The following TLE2 variants were observed in gnomAD, a reference collection of about 807,000 sequenced individuals.
TLE2 encodes the protein TLE family member 2, transcriptional corepressor.
Under a neutral mutation model 97.2 loss-of-function variants are expected in TLE2, and 74 were observed. The observed-to-expected ratio is 0.76, with a 90% CI of 0.63 to 0.92. TLE2 has a LOEUF of 0.92. TLE2 is among the 40% of genes least tolerant of loss of function. TLE2 has a pLI of 0.00. For missense variants in TLE2, 1,038 were observed against 1,008.7 expected, an observed-to-expected ratio of 1.03 and a Z score of -0.39; for synonymous variants, 499 against 432.1, an observed-to-expected ratio of 1.15 and a Z score of -1.92.
chr19:3,019,977 T>C lies in TLE2; in HGVS notation c.295-204A>G. ...CACGGAGAAAGAAACCAAACCTAAG[T>C]GCAGGTAGAATAGTTACAAATCAGG... On this transcript the variant is annotated intron_variant, in intron 5 of 19. Transcript: ENST00000262953. The surrounding 1 kb of genome is among the most constrained non-coding windows in gnomAD (Gnocchi z 5.1). The C allele has an allele frequency of 2.9e-6, 2 of 696,314 alleles. No individual in the cohort carries two copies. Among genetic ancestry groups the C allele is most frequent in the East Asian group, 2.8e-5 (1 of 35,916 alleles). The allele number at this position is 696,314 out of a possible 1,614,324, so 43.1% of individuals were successfully genotyped here.
chr19:3,017,448 C>CT (rs1568241994), intron 8 of TLE2, among the ~76,000 whole-genome samples: 3 of 116,266 alleles, frequency 2.6e-5, no homozygotes, highest in Middle Eastern at 4.3e-3. Context: ...TTTTTTCTTT[C>CT]TTTCTTTTTT....
upstream of TLE2, chr19:3,029,562 G>GA (rs941304896): frequency 2.4e-3 from 1,977 of 816,180 alleles, 75 homozygotes; most frequent in African/African-American, 7.8e-3. Context: ...TGGGAGCGGG[G>GA]GGGGGGGCTT....
intron 18 of TLE2, among the ~76,000 whole-genome samples, chr19:3,001,325 G>A (rs1458818551): frequency 6.6e-6 from 1 of 151,760 alleles, no homozygotes; most frequent in Non-Finnish European, 1.5e-5. Context: ...ATGCTGCCCA[G>A]ACTGGTCTCA....
intron 14 of TLE2, 101 bp downstream of exon 14, chr19:3,008,768 A>T: frequency 1.0e-6 from 1 of 955,146 alleles, no homozygotes; most frequent in Non-Finnish European, 1.5e-6. Flanking sequence ...GAGACTTTCT[A>T]GAAGGGAAGC....
chr19:3,019,495 G>A lies in TLE2; in HGVS notation c.370-32C>T, dbSNP rs756179765. ...GAAAGGAGGCAGGATGGGCCGGGGC[G>A]GGGGGCGGCAGGAGCCCAGCGGTCC... On this transcript the variant is annotated intron_variant, in intron 6 of 19. Coordinates refer to ENST00000262953, the MANE Select transcript of TLE2 (RefSeq NM_003260.5). The surrounding 1 kb of genome is among the most constrained non-coding windows in gnomAD (Gnocchi z 5.1). 2.6e-5 allele frequency: 38 copies of A among 1,488,574 alleles called. No individual in the cohort carries two copies. Among genetic ancestry groups the A allele is most frequent in the South Asian group, 7.9e-5 (6 of 75,672 alleles). 92.2% of individuals were successfully genotyped at this position (1,488,574 alleles called of 1,614,324 possible).
intron 17 of TLE2, among the ~76,000 whole-genome samples, chr19:3,004,612 C>T (rs2089434669): frequency 8.2e-6 from 1 of 122,478 alleles, no homozygotes; most frequent in Admixed American, 8.4e-5. Flanking sequence ...GCAACTCTGT[C>T]TCAAAAAAAA....
chr19:3,036,403 C>T (rs999004583), intron 1 of TLE2, among the ~76,000 whole-genome samples: 1 of 152,234 alleles, frequency 6.6e-6, no homozygotes, highest in Admixed American at 6.5e-5. Context: ...CCCGGCCCGG[C>T]GCGGTATAAT....
At chr19:3,002,565 G>A (rs981578013) in intron 17 of TLE2, 62 bp from the exon 18 acceptor site, 7 of 1,524,404 alleles carry the variant, frequency 4.6e-6, no homozygotes, top group African/African-American at 1.4e-5. Flanking sequence ...TTGAGACAGG[G>A]TCTCACTCCG....
At chr19:3,006,371 C>T in intron 15 of TLE2, 49 bp downstream of exon 15, 1 of 1,584,888 alleles carries the variant, frequency 6.3e-7, no homozygotes, top group Non-Finnish European at 8.6e-7. Context: ...GGAACATAAG[C>T]CCCACCCCTC....
intron 8 of TLE2, among the ~76,000 whole-genome samples, chr19:3,017,105 G>A (rs918032742): frequency 1.1e-4 from 16 of 139,996 alleles, no homozygotes; most frequent in East Asian, 5.9e-4. Context: ...TCAGGAAACC[G>A]GGCTATGGAT....
chr19:3,002,546 TGTTTTGTGTTGAGACA>T, intron 17 of TLE2, 43 bp from the exon 18 acceptor site: 1 of 1,536,440 alleles, frequency 6.5e-7, no homozygotes, highest in Non-Finnish European at 8.7e-7. Flanking sequence ...AGCCCCTCTT[TGTTTTGTGTTGAGACA>T]GGGTCTCACT....
At position 3,028,736 on chromosome 19, in the gene TLE2, T is replaced by C. The variant is rs763327898; in HGVS notation, c.92A>G (p.Glu31Gly). ...ILEICDRIKEEFQFLQAQYHS... is the reference protein window; with the variant it reads ...ILEICDRIKEGFQFLQAQYHS... Reference sequence around the variant, plus strand: ...GTATTGAGCCTGAAGAAACTGGAATTCTTCTTTGATGCGGTCGCAGATCTC... The same window carrying C: ...GTATTGAGCCTGAAGAAACTGGAATCCTTCTTTGATGCGGTCGCAGATCTC... Residue 31 changes from glutamate (E) to glycine (G), a missense_variant, in exon 2 of 20, where the codon GAA becomes GGA. Transcript: ENST00000262953. 12 of 1,612,554 alleles carry C rather than the reference T, an allele frequency of 7.4e-6. No individual in the cohort carries two copies. The highest frequency in any genetic ancestry group is 8.5e-6 in the Non-Finnish European group (10 of 1,179,722).
intron 9 of TLE2, among the ~76,000 whole-genome samples, chr19:3,015,424 G>A (rs1254868847): frequency 6.6e-6 from 1 of 152,252 alleles, no homozygotes; most frequent in Non-Finnish European, 1.5e-5. Flanking sequence ...AAGCTAGAGG[G>A]TGGGAAAATG....
At chr19:3,029,569 G>T (rs1805130669), upstream of TLE2, 2 of 698,670 alleles carry the variant, frequency 2.9e-6, no homozygotes, top group Non-Finnish European at 3.5e-6. Flanking sequence ...GGGGGGGGGG[G>T]CTTGCGGGGA....
At chr19:3,014,488 A>G in intron 10 of TLE2, 82 bp downstream of exon 10, 1 of 1,308,948 alleles carries the variant, frequency 7.6e-7, no homozygotes, top group South Asian at 1.8e-5. Flanking sequence ...GATCCCCACT[A>G]CCTCTGGGTC....
chr19:3,040,141 T>C (rs763492365), intron 1 of TLE2, among the ~76,000 whole-genome samples: 2 of 152,068 alleles, frequency 1.3e-5, no homozygotes, highest in Non-Finnish European at 2.9e-5. Flanking sequence ...ACACCACGTG[T>C]AACCCCTCTG....
At chr19:3,042,880 A>G (rs977370687) in intron 1 of TLE2, among the ~76,000 whole-genome samples, 2 of 152,184 alleles carry the variant, frequency 1.3e-5, no homozygotes, top group Non-Finnish European at 2.9e-5. Context: ...GGAGGGGGAC[A>G]AAGACAGACA....
intron 7 of TLE2, among the ~76,000 whole-genome samples, chr19:3,018,698 T>C (rs2089770043): frequency 6.6e-6 from 1 of 151,594 alleles, no homozygotes; most frequent in African/African-American, 2.4e-5. Context: ...CACTGCAACC[T>C]CCGCCTCCCA....
At chr19:3,027,784 AC>A (rs753625088) in intron 4 of TLE2, 44 bp downstream of exon 4, 4 of 1,566,384 alleles carry the variant, frequency 2.6e-6, no homozygotes, top group Non-Finnish European at 2.6e-6. Context: ...GGGCTTCCAG[AC>A]CCCCACCCTC....
Sources: allele counts gnomAD v4.1 joint callset (sites outside exome capture counted in the v4.1 genomes callset), GRCh38; gene constraint gnomAD v4.1.1; non-coding constraint Gnocchi (gnomAD v3.1); transcripts MANE v1.5; gene names NCBI Gene and HGNC (gene_info 2026-07-23, HGNC 2026-07-21).